Variants in SRGAP3 observed in about 807,000 individuals in gnomAD.
The protein encoded by SRGAP3 is SLIT-ROBO Rho GTPase activating protein 3, also known as SLIT-ROBO Rho GTPase-activating protein 3.
SRGAP3 carries 39 observed loss-of-function variants against 121.1 expected under a neutral mutation model. That is an observed-to-expected ratio of 0.32 (90% confidence interval 0.25 to 0.42). The LOEUF (loss-of-function observed/expected upper bound fraction) is 0.42. Ranked by LOEUF, SRGAP3 falls within the 10% of genes least tolerant of loss-of-function variation. SRGAP3 has a pLI of 1.00. For synonymous variants in SRGAP3, 601 were observed against 570.0 expected, an observed-to-expected ratio of 1.05 and a Z score of -0.77; for missense variants, 1,213 against 1,470.6, an observed-to-expected ratio of 0.82 and a Z score of 2.86.
chr3:9,006,924 A>C (rs1209285848), intron 18 of SRGAP3: 1 of 150,696 alleles, frequency 6.6e-6, no homozygotes. Flanking sequence ...GACTCAAGAC[A>C]GGAGACTAGG....
At chr3:9,170,592 G>A (rs1950942758) in intron 1 of SRGAP3, among the ~76,000 whole-genome samples, 1 of 152,192 alleles carries the variant, frequency 6.6e-6, no homozygotes, top group African/African-American at 2.4e-5. Context: ...AGTCCCTGAA[G>A]ACTCATGGAC....
chr3:9,223,377 G>A (rs1181977281), intron 1 of SRGAP3, among the ~76,000 whole-genome samples: 2 of 152,116 alleles, frequency 1.3e-5, no homozygotes, highest in African/African-American at 4.8e-5. Flanking sequence ...AATAAGTTCA[G>A]GAAATAATGA....
chr3:9,246,104 T>C (rs1293360756), intron 1 of SRGAP3, among the ~76,000 whole-genome samples: 1 of 152,198 alleles, frequency 6.6e-6, no homozygotes, highest in African/African-American at 2.4e-5. Flanking sequence ...AATCCTTCTA[T>C]TTTACAATAG....
chr3:8,990,746 G>T lies in SRGAP3; in HGVS notation c.2652C>A (p.Asp884Glu). Residue 884 changes from aspartate (D) to glutamate (E), a missense_variant, in exon 21 of 22, where the codon GAC (aspartate) becomes GAA (glutamate). Transcript: ENST00000383836. ...GGCAGGCAGCAGCCCGGGGTGGTGT[G>T]TCTATGCTGGGGCCCAGGCCCCGGG... ...SPPRGLGPSIDTPPRAAACPS... is the reference protein window; with the variant it reads ...SPPRGLGPSIETPPRAAACPS... 2 of 1,610,114 alleles carry T rather than the reference G, an allele frequency of 1.2e-6. No individual in the cohort carries two copies. Among genetic ancestry groups the T allele is most frequent in the Non-Finnish European group, 8.5e-7 (1 of 1,178,544 alleles).
At chr3:9,098,769 C>T (rs1948089896) in intron 3 of SRGAP3, among the ~76,000 whole-genome samples, 1 of 152,216 alleles carries the variant, frequency 6.6e-6, no homozygotes, top group Non-Finnish European at 1.5e-5. Context: ...GGCGTTTGCT[C>T]ACTGTTTGTT....
chr3:9,059,527 G>C lies in SRGAP3; in HGVS notation c.801+704C>G, dbSNP rs144855513. The C allele has an allele frequency of 8.8e-3, 1,356 of 153,974 alleles. 8 individuals are homozygous for C. Among genetic ancestry groups the C allele is most frequent in the South Asian group, 0.015 (75 of 4,872 alleles). 9.5% of individuals were successfully genotyped at this position (153,974 alleles called of 1,614,324 possible). A position where few individuals can be genotyped will look rare whatever the true frequency, so the allele number is the denominator to read the frequency against. On this transcript the variant is annotated intron_variant, in intron 6 of 21. Coordinates refer to ENST00000383836, the MANE Select transcript of SRGAP3 (RefSeq NM_014850.4). ...CCATACCAAGCCTTTACTAAACATGGACAGGGCCAGCTCCCCCATCGGTGC... is the reference window on the plus strand; with the variant it reads ...CCATACCAAGCCTTTACTAAACATGCACAGGGCCAGCTCCCCCATCGGTGC...
At chr3:9,217,850 C>G (rs1952684842) in intron 1 of SRGAP3, 1 of 152,172 alleles carries the variant, frequency 6.6e-6, no homozygotes, top group Admixed American at 6.5e-5. Flanking sequence ...CCCCTGCAGG[C>G]CCCAGGCCCC....
intron 2 of SRGAP3, among the ~76,000 whole-genome samples, chr3:9,114,492 T>A (rs1948736015): frequency 6.6e-6 from 1 of 152,192 alleles, no homozygotes; most frequent in Non-Finnish European, 1.5e-5. Context: ...AGTGCAAATG[T>A]CCCTGTGACT....
intron 3 of SRGAP3, among the ~76,000 whole-genome samples, chr3:9,285,250 T>TAA (rs1427041425): frequency 6.6e-6 from 1 of 152,202 alleles, no homozygotes; most frequent in Non-Finnish European, 1.5e-5. Context: ...CCACTGACGT[T>TAA]AGAGTGGCAG....
At chr3:9,051,710 C>CTTTTTTTTTTTT (rs36044423) in intron 9 of SRGAP3, among the ~76,000 whole-genome samples, 1 of 103,112 alleles carries the variant, frequency 9.7e-6, no homozygotes, top group Non-Finnish European at 1.9e-5. Context: ...TTGCTCAATT[C>CTTTTTTTTTTTT]TTTTTTTTTT....
intron 3 of SRGAP3, among the ~76,000 whole-genome samples, chr3:9,311,623 C>T (rs1259956011): frequency 6.6e-6 from 1 of 152,214 alleles, no homozygotes; most frequent in Non-Finnish European, 1.5e-5. Context: ...ATCATTTTCA[C>T]ATGTCACAAA....
chr3:9,072,776 G>T (rs1026359576), intron 4 of SRGAP3, among the ~76,000 whole-genome samples: 1 of 152,236 alleles, frequency 6.6e-6, no homozygotes, highest in Admixed American at 6.5e-5. Context: ...TCGGTGTCAT[G>T]GGAAGGAAAC....
At chr3:9,209,582 A>G (rs1053302632) in intron 1 of SRGAP3, among the ~76,000 whole-genome samples, 1 of 152,208 alleles carries the variant, frequency 6.6e-6, no homozygotes, top group Non-Finnish European at 1.5e-5. Flanking sequence ...AGCTATTGAA[A>G]TTTCAAAGGT....
chr3:9,306,869 G>T (rs1011160556), intron 3 of SRGAP3, among the ~76,000 whole-genome samples: 2 of 152,202 alleles, frequency 1.3e-5, no homozygotes, highest in African/African-American at 4.8e-5. Flanking sequence ...TTAACTTAGA[G>T]ACTTAAGAGA....
chr3:9,207,760 C>G (rs1242726733), intron 1 of SRGAP3, among the ~76,000 whole-genome samples: 4 of 152,152 alleles, frequency 2.6e-5, no homozygotes, highest in Non-Finnish European at 5.9e-5. Context: ...TGAGGCAGCT[C>G]TCTTCAGCAG....
chr3:9,228,611 A>G (rs1310852430), intron 1 of SRGAP3, among the ~76,000 whole-genome samples: 2 of 152,120 alleles, frequency 1.3e-5, no homozygotes, highest in Non-Finnish European at 2.9e-5. Context: ...GGTGCTGGGG[A>G]TGCAGCCTGG....
intron 21 of SRGAP3, among the ~76,000 whole-genome samples, chr3:8,990,290 G>C (rs896842883): frequency 1.3e-5 from 2 of 152,218 alleles, no homozygotes; most frequent in Admixed American, 1.3e-4. Context: ...CTGGACACTG[G>C]GGGTGTTCAG....
chr3:8,983,621 C>T lies in SRGAP3; in HGVS notation c.*1898G>A, dbSNP rs1941533893. 4.3e-6 allele frequency: 1 copy of T among 231,650 alleles called. No homozygotes were observed. Among genetic ancestry groups the T allele is most frequent in the South Asian group, 1.8e-4 (1 of 5,514 alleles). The allele number at this position is 231,650 out of a possible 1,614,324, so 14.3% of individuals were successfully genotyped here. On this transcript the variant is annotated 3_prime_UTR_variant, in exon 22 of 22. Coordinates refer to ENST00000383836, the MANE Select transcript of SRGAP3 (RefSeq NM_014850.4). Reference sequence around the variant, plus strand: ...AGGATGGCAGGAAAATTCCACTGCTCACTTCTGAAATGCCATTGGGAGGTT... The same window carrying T: ...AGGATGGCAGGAAAATTCCACTGCTTACTTCTGAAATGCCATTGGGAGGTT...
intron 14 of SRGAP3, among the ~76,000 whole-genome samples, chr3:9,021,254 A>G (rs58482128): frequency 0.039 from 5,906 of 152,300 alleles, 373 homozygotes; most frequent in African/African-American, 0.14. Flanking sequence ...AGCGGGAGAG[A>G]GCCATTGCCT....
Sources: allele counts gnomAD v4.1 joint callset (sites outside exome capture counted in the v4.1 genomes callset), GRCh38; gene constraint gnomAD v4.1.1; transcripts MANE v1.5; gene names NCBI Gene and HGNC (gene_info 2026-07-23, HGNC 2026-07-21).